Variants in CDH4 observed in about 807,000 individuals in gnomAD.
CDH4 encodes cadherin-4.
CDH4 carries 33 observed loss-of-function variants against 86.0 expected under a neutral mutation model. That is an observed-to-expected ratio of 0.38 (90% confidence interval 0.29 to 0.51). The LOEUF (loss-of-function observed/expected upper bound fraction) is 0.51. CDH4 is among the 20% of genes least tolerant of loss of function. The pLI, the probability that CDH4 is intolerant of heterozygous loss-of-function variation, is 0.86. For missense variants in CDH4, 1,114 were observed against 1,307.4 expected, an observed-to-expected ratio of 0.85 and a Z score of 2.28; for synonymous variants, 555 against 549.4, an observed-to-expected ratio of 1.01 and a Z score of -0.14.
chr20:61,429,967 C>G (rs2085237005), intron 2 of CDH4, among the ~76,000 whole-genome samples: 1 of 152,224 alleles, frequency 6.6e-6, no homozygotes, highest in Non-Finnish European at 1.5e-5. Context: ...GTGTGCCGAG[C>G]ATGGCTTGGA....
chr20:61,439,595 G>T (rs966652348), intron 2 of CDH4, among the ~76,000 whole-genome samples: 1 of 152,246 alleles, frequency 6.6e-6, no homozygotes, highest in Non-Finnish European at 1.5e-5. Flanking sequence ...TCCCCACAGG[G>T]AGCATTCCAA....
intron 2 of CDH4, among the ~76,000 whole-genome samples, chr20:61,355,948 A>G (rs1053842859): frequency 3.3e-5 from 5 of 152,208 alleles, no homozygotes; most frequent in African/African-American, 2.4e-5. Context: ...GGAAATGATC[A>G]AGTTGTCAAG....
intron 6 of CDH4, among the ~76,000 whole-genome samples, chr20:61,854,217 G>C (rs766540009): frequency 1.2e-4 from 19 of 152,254 alleles, no homozygotes; most frequent in South Asian, 6.2e-4. Flanking sequence ...CAGCTCCCAG[G>C]GGCACCACAC....
intron 2 of CDH4, among the ~76,000 whole-genome samples, chr20:61,508,037 G>A (rs1046236008): frequency 3.9e-5 from 6 of 152,208 alleles, no homozygotes; most frequent in East Asian, 1.9e-4. Flanking sequence ...GCGCACTGTC[G>A]TGCAGAGTGA....
intron 2 of CDH4, among the ~76,000 whole-genome samples, chr20:61,721,583 A>G (rs2088042542): frequency 6.6e-6 from 1 of 152,222 alleles, no homozygotes; most frequent in African/African-American, 2.4e-5. Flanking sequence ...ATTCTTTATC[A>G]AGACTTCATG....
intron 2 of CDH4, among the ~76,000 whole-genome samples, chr20:61,363,315 G>A (rs1159725052): frequency 1.3e-5 from 2 of 152,108 alleles, no homozygotes; most frequent in African/African-American, 4.8e-5. Flanking sequence ...GCCAAGTACT[G>A]TGCAGGGTTT....
chr20:61,640,255 C>T (rs1287313918), intron 2 of CDH4, among the ~76,000 whole-genome samples: 1 of 152,256 alleles, frequency 6.6e-6, no homozygotes, highest in Non-Finnish European at 1.5e-5. Context: ...GACTGGAAGC[C>T]AGCTCAGAGA....
intron 2 of CDH4, among the ~76,000 whole-genome samples, chr20:61,270,848 G>C (rs2084179726): frequency 6.6e-6 from 1 of 152,120 alleles, no homozygotes; most frequent in South Asian, 2.1e-4. Flanking sequence ...GGCAGCTCTG[G>C]AGTGGTGAGG....
rs1037359309 is a variant in CDH4 at position 61,453,954 on chromosome 20, TGAA to T, written c.169+199022_169+199024del. Among the ~76,000 whole-genome samples the T allele has an allele frequency of 3.7e-4, 57 of 152,328 alleles. 1 individual carries two copies. The highest frequency in any genetic ancestry group is 2.7e-3 in the Admixed American group (42 of 15,308). On this transcript the variant is annotated intron_variant, in intron 2 of 15. Coordinates refer to ENST00000614565, the MANE Select transcript of CDH4 (RefSeq NM_001794.5). ...CTCTGCACTTCTTCCTGCCGCCTTG[TGAA>T]GAAGGATAGGTTTGCTTCCCCTTCT...
intron 2 of CDH4, among the ~76,000 whole-genome samples, chr20:61,324,298 G>C (rs967650223): frequency 1.3e-5 from 2 of 152,170 alleles, no homozygotes; most frequent in African/African-American, 4.8e-5. Flanking sequence ...GATTGCATTA[G>C]TGTCCTGGGG....
chr20:61,651,254 G>C (rs545955268), intron 2 of CDH4, among the ~76,000 whole-genome samples: 9 of 152,366 alleles, frequency 5.9e-5, no homozygotes, highest in African/African-American at 2.2e-4. Context: ...CATCGTGCTT[G>C]GCCATGGCAG....
chr20:61,829,652 C>T lies in CDH4; in HGVS notation c.577-15016C>T, dbSNP rs574582765. Among the ~76,000 whole-genome samples, 19 of 152,282 alleles carry T rather than the reference C, an allele frequency of 1.2e-4. No individual in the cohort carries two copies. Among genetic ancestry groups the T allele is most frequent in the African/African-American group, 4.1e-4 (17 of 41,552 alleles). On this transcript the variant is annotated intron_variant, in intron 4 of 15. Coordinates refer to ENST00000614565, the MANE Select transcript of CDH4 (RefSeq NM_001794.5). The surrounding 1 kb of genome is among the most constrained non-coding windows in gnomAD (Gnocchi z 4.2). The stretch of plus-strand genomic sequence containing the variant: ...GGGCTCCTCTGCCAAGCATTAAATA[C>T]GGACTCACCACTGGGGACGGACTTG...
chr20:61,818,791 G>A (rs1031289241), intron 4 of CDH4, among the ~76,000 whole-genome samples: 7 of 151,772 alleles, frequency 4.6e-5, no homozygotes, highest in Admixed American at 6.5e-5. Context: ...GATGGTGGGC[G>A]GAAAGGAGCA....
At chr20:61,808,411 T>C (rs1157419485) in intron 4 of CDH4, among the ~76,000 whole-genome samples, 1 of 152,194 alleles carries the variant, frequency 6.6e-6, no homozygotes, top group Non-Finnish European at 1.5e-5. Context: ...GACACATTTA[T>C]AATCACTCCG....
chr20:61,653,332 A>AGAAAAG (rs2087145298), intron 2 of CDH4, among the ~76,000 whole-genome samples: 1 of 136,224 alleles, frequency 7.3e-6, no homozygotes, highest in East Asian at 2.0e-4. Context: ...TCCCATGTCT[A>AGAAAAG]CCTCTTTCTA....
At chr20:61,323,565 T>C (rs1253335225) in intron 2 of CDH4, among the ~76,000 whole-genome samples, 1 of 152,222 alleles carries the variant, frequency 6.6e-6, no homozygotes, top group East Asian at 1.9e-4. Context: ...CATTCTGTCA[T>C]GTTACGCGGG....
intron 2 of CDH4, chr20:61,717,825 C>T (rs6089488): frequency 0.52 from 74,434 of 141,870 alleles, 18,547 homozygotes; most frequent in South Asian, 0.67. Flanking sequence ...CCCTGCCCCC[C>T]GCCCCCAGCC....
intron 2 of CDH4, among the ~76,000 whole-genome samples, chr20:61,397,193 C>T (rs778560921): frequency 2.0e-5 from 3 of 152,126 alleles, no homozygotes; most frequent in Non-Finnish European, 4.4e-5. Context: ...TACAGGTGTG[C>T]ACCACCGCAA....
intron 4 of CDH4, among the ~76,000 whole-genome samples, chr20:61,785,312 C>T (rs1321649315): frequency 6.6e-6 from 1 of 152,232 alleles, no homozygotes; most frequent in Non-Finnish European, 1.5e-5. Flanking sequence ...CTTCCTCCTG[C>T]TGGGCTGTGG....
Sources: allele counts gnomAD v4.1 joint callset (sites outside exome capture counted in the v4.1 genomes callset), GRCh38; gene constraint gnomAD v4.1.1; non-coding constraint Gnocchi (gnomAD v3.1); transcripts MANE v1.5; gene names NCBI Gene and HGNC (gene_info 2026-07-23, HGNC 2026-07-21).